Variants in ITPRID1 observed in about 807,000 individuals in gnomAD.
The protein encoded by ITPRID1 is ITPR interacting domain containing 1.
Under a neutral mutation model 95.4 loss-of-function variants are expected in ITPRID1, and 96 were observed. The ratio of observed to expected loss-of-function variants is 1.01; its 90% CI spans 0.85 to 1.19. The LOEUF (loss-of-function observed/expected upper bound fraction) is 1.19, where lower values mean the gene tolerates loss of function less well. Among genes scored for constraint, ITPRID1 ranks in the 50% most tolerant of loss-of-function variants. The probability of loss-of-function intolerance (pLI) is 0.00; values close to 1 mark genes in which losing one functional copy is unlikely to be tolerated. For synonymous variants in ITPRID1, 510 were observed against 453.6 expected (o/e 1.12, Z -1.58); for missense variants, 1,339 against 1,252.9 (o/e 1.07, Z -1.04).
chr7:31,573,812 T>C (rs1031942533), intron 7 of ITPRID1, among the ~76,000 whole-genome samples: 38 of 150,344 alleles, frequency 2.5e-4, no homozygotes, highest in African/African-American at 8.5e-4. Flanking sequence ...ATGTCTATAA[T>C]TATAACAAAA....
intron 12 of ITPRID1, among the ~76,000 whole-genome samples, chr7:31,647,507 CA>C (rs35796110): frequency 0.37 from 51,829 of 139,392 alleles, 9,647 homozygotes; most frequent in East Asian, 0.46. Flanking sequence ...ATTAAAACTA[CA>C]AAAAAAAAAA....
chr7:31,585,382 A>C (rs1426839533), intron 10 of ITPRID1, among the ~76,000 whole-genome samples: 1 of 152,204 alleles, frequency 6.6e-6, no homozygotes, highest in African/African-American at 2.4e-5. Context: ...CTTCATATAG[A>C]AAATTGGGAC....
chr7:31,572,121 G>A lies in ITPRID1; in HGVS notation c.328G>A (p.Glu110Lys). 1 of 1,610,158 alleles carries A rather than the reference G, an allele frequency of 6.2e-7. No individual in the cohort carries two copies. Among genetic ancestry groups the A allele is most frequent in the South Asian group, 1.1e-5 (1 of 90,776 alleles). ...DYMRSLHQFS[E>K]TPILSRGTSF... ...CTGTAGATCTTTGCATCAGTTTTCA[G>A]AAACTCCCATCCTATCCAGAGGGAC... Residue 110 changes from glutamate to lysine, a missense_variant, in exon 7 of 15, where the codon GAA (glutamate) becomes AAA (lysine). By Grantham distance (56) the Glu-to-Lys change is moderately conservative. Transcript: ENST00000615280.
At position 31,574,669 on chromosome 7, in the gene ITPRID1, C is replaced by G. The variant is rs756632670; in HGVS notation, c.525C>G (p.Ala175=). 1 of 1,613,864 alleles carries G rather than the reference C, an allele frequency of 6.2e-7. No individual in the cohort carries two copies. The highest frequency in any genetic ancestry group is 2.2e-5 in the East Asian group (1 of 44,862). ...GATTCCTTGGTTGTGGCTCAGCAGC[C>G]AGAGGAATCAACATCCGTGTTTTTC... ...PARFLGCGSA[A]RGINIRVFLE... is the part of the protein sequence containing the mutation. The change falls in exon 8 of 15, where the codon GCC becomes GCG. Residue 175 remains alanine (A), a synonymous_variant. Coordinates refer to ENST00000615280, the MANE Select transcript of ITPRID1 (RefSeq NM_001257967.3).
At position 31,577,859 on chromosome 7, in the gene ITPRID1, G is replaced by T. The variant is rs192648448; in HGVS notation, c.599-4G>T. 1.3e-6 allele frequency: 2 copies of T among 1,580,710 alleles called. No individual in the cohort carries two copies. Among genetic ancestry groups the T allele is most frequent in the Non-Finnish European group, 1.7e-6 (2 of 1,164,040 alleles). On this transcript the variant is annotated splice_region_variant and splice_polypyrimidine_tract_variant and intron_variant, in intron 8 of 14. Transcript: ENST00000615280. Reference sequence around the variant, plus strand: ...GAAACTTTCGTGTTTCTTGTGTTGTGCAGGTCGTTTCCGACAGCTGGAAAT... The same window carrying T: ...GAAACTTTCGTGTTTCTTGTGTTGTTCAGGTCGTTTCCGACAGCTGGAAAT...
chr7:31,535,026 G>A (rs1197509392), intron 1 of ITPRID1, among the ~76,000 whole-genome samples: 3 of 152,062 alleles, frequency 2.0e-5, no homozygotes, highest in Admixed American at 6.6e-5. Flanking sequence ...TGCACTGTGC[G>A]ATAGAGTAGC....
chr7:31,656,149 T>A lies in ITPRID1; in HGVS notation c.*3320T>A. ...TCACTTTGCTTTTTTGTTAAAACAC[T>A]GAAAACCTCCTGTCTTGTGTTACCA... On this transcript the variant is annotated 3_prime_UTR_variant, in exon 15 of 15. Coordinates refer to ENST00000615280, the MANE Select transcript of ITPRID1 (RefSeq NM_001257967.3). 2.4e-6 allele frequency: 1 copy of A among 412,130 alleles called. No individual in the cohort carries two copies. The highest frequency in any genetic ancestry group is 3.3e-6 in the Non-Finnish European group (1 of 306,156). 25.5% of individuals were successfully genotyped at this position (412,130 alleles called of 1,614,324 possible). A position where few individuals can be genotyped will look rare whatever the true frequency, so the allele number is the denominator to read the frequency against.
chr7:31,579,941 T>C (rs1164542442), intron 9 of ITPRID1, among the ~76,000 whole-genome samples: 1 of 152,134 alleles, frequency 6.6e-6, no homozygotes, highest in African/African-American at 2.4e-5. Flanking sequence ...AAAAAAGGAT[T>C]TTTAAAAAAC....
Position 31,554,459 on chromosome 7 carries a change from T to C in ITPRID1, c.164-16T>C. 4 of 1,611,124 alleles carry C rather than the reference T, an allele frequency of 2.5e-6. No homozygotes were observed. Among genetic ancestry groups the C allele is most frequent in the Non-Finnish European group, 3.4e-6 (4 of 1,178,490 alleles). The stretch of plus-strand genomic sequence containing the variant: ...GTTGTGCTTTGACTAACTGATCTGT[T>C]CTTTCTTACTTGTAGAAGATTCCAA... On this transcript the variant is annotated splice_polypyrimidine_tract_variant and intron_variant, in intron 3 of 14. Coordinates refer to ENST00000615280, the MANE Select transcript of ITPRID1 (RefSeq NM_001257967.3).
chr7:31,642,636 C>T (rs201052716), intron 11 of ITPRID1, 46 bp from the exon 12 acceptor site: 18 of 1,549,366 alleles, frequency 1.2e-5, no homozygotes, highest in Non-Finnish European at 1.1e-5. Context: ...CCTATTGCCT[C>T]CTCCACTTCC....
At chr7:31,635,596 T>A (rs1036968887) in intron 10 of ITPRID1, among the ~76,000 whole-genome samples, 4 of 152,222 alleles carry the variant, frequency 2.6e-5, no homozygotes, top group African/African-American at 9.6e-5. Context: ...TGGAGGAAAT[T>A]ACTCTTTCTA....
chr7:31,579,690 A>T (rs778783163), intron 9 of ITPRID1, among the ~76,000 whole-genome samples: 1 of 152,244 alleles, frequency 6.6e-6, no homozygotes, highest in Non-Finnish European at 1.5e-5. Flanking sequence ...GCCTATTGGC[A>T]TAGCTGCATC....
Position 31,578,427 on chromosome 7 carries a change from T to A in ITPRID1, c.1163T>A (p.Met388Lys). 6.2e-7 allele frequency: 1 copy of A among 1,603,382 alleles called. No homozygotes were observed. ...LAGKGPDSFE[M>K]EEVQSFEEET... ...GGCAAAGGACCAGACTCATTTGAAA[T>A]GGAAGAGGTCAGTGCTGCACCAACG... Residue 388 changes from methionine to lysine, a missense_variant, in exon 9 of 15, where the codon ATG becomes AAG. By Grantham distance (95) the Met-to-Lys change is moderately conservative (BLOSUM62 -1). Transcript: ENST00000615280.
chr7:31,585,164 C>T (rs1360343664), intron 10 of ITPRID1, among the ~76,000 whole-genome samples: 1 of 152,202 alleles, frequency 6.6e-6, no homozygotes, highest in East Asian at 1.9e-4. Context: ...AGAGAAACCA[C>T]ACCGAGCTGG....
chr7:31,613,981 C>G (rs533290001), intron 10 of ITPRID1, among the ~76,000 whole-genome samples: 1 of 152,324 alleles, frequency 6.6e-6, no homozygotes, highest in African/African-American at 2.4e-5. Flanking sequence ...GGATTGTTCA[C>G]ATTTTTCAGA....
At chr7:31,521,618 CCCTCCTTCCTTCCTTCCTT>C (rs1783253916) in intron 1 of ITPRID1, among the ~76,000 whole-genome samples, 1 of 32,104 alleles carries the variant, frequency 3.1e-5, no homozygotes. Context: ...TTTCTCCTTT[CCCTCCTTCCTTCCTTCCTT>C]CCTTCCTTCC....
intron 10 of ITPRID1, among the ~76,000 whole-genome samples, chr7:31,594,733 T>A (rs1786007061): frequency 6.6e-6 from 1 of 152,036 alleles, no homozygotes; most frequent in Non-Finnish European, 1.5e-5. Flanking sequence ...GGTGCACGCC[T>A]GTTGTCCCAG....
chr7:31,608,827 T>C (rs1786737781), intron 10 of ITPRID1, among the ~76,000 whole-genome samples: 1 of 151,586 alleles, frequency 6.6e-6, no homozygotes, highest in Non-Finnish European at 1.5e-5. Flanking sequence ...TGATTCTGAA[T>C]TTTTTTTCTT....
chr7:31,560,764 G>A (rs993481418), intron 5 of ITPRID1, among the ~76,000 whole-genome samples: 1 of 152,166 alleles, frequency 6.6e-6, no homozygotes, highest in African/African-American at 2.4e-5. Context: ...TAGGCATGTC[G>A]TGATTCAAAT....
Sources: gnomAD v4.1 joint callset for allele counts (sites outside exome capture counted in the v4.1 genomes callset) on GRCh38, gnomAD v4.1.1 for gene constraint, MANE v1.5 for transcripts, NCBI Gene and HGNC (gene_info 2026-07-23, HGNC 2026-07-21) for gene names.